Variants in AHCYL2 observed in about 807,000 individuals in gnomAD.
AHCYL2 encodes S-adenosylhomocysteine hydrolase-like protein 2.
Under a neutral mutation model 81.4 loss-of-function variants are expected in AHCYL2, and 28 were observed. That is an observed-to-expected ratio of 0.34 (90% CI 0.25 to 0.47). The LOEUF (loss-of-function observed/expected upper bound fraction) is 0.47. Ranked by LOEUF, AHCYL2 falls within the 20% of genes least tolerant of loss-of-function variation. The pLI is 1.00. For synonymous variants in AHCYL2, 272 were observed against 290.2 expected, an observed-to-expected ratio of 0.94 and a Z score of 0.64; for missense variants, 551 against 785.1, an observed-to-expected ratio of 0.70 and a Z score of 3.56.
intron 2 of AHCYL2, among the ~76,000 whole-genome samples, chr7:129,382,591 CT>C (rs200040443): frequency 2.0e-5 from 3 of 150,202 alleles, no homozygotes; most frequent in Non-Finnish European, 4.4e-5. Context: ...TAGAGTGAGA[CT>C]TTTTTTTATT....
intron 1 of AHCYL2, among the ~76,000 whole-genome samples, chr7:129,300,283 C>G (rs955624739): frequency 1.3e-5 from 2 of 152,246 alleles, no homozygotes; most frequent in African/African-American, 4.8e-5. Context: ...CGCCTCCCCC[C>G]CAGCCTCCTC....
At chr7:129,386,166 TA>T (rs1795192151) in intron 2 of AHCYL2, among the ~76,000 whole-genome samples, 1 of 152,056 alleles carries the variant, frequency 6.6e-6, no homozygotes, top group African/African-American at 2.4e-5. Context: ...CAGGTCCGTA[TA>T]AAGGGCTCTT....
chr7:129,258,403 A>G (rs770521467), intron 1 of AHCYL2, among the ~76,000 whole-genome samples: 44 of 152,270 alleles, frequency 2.9e-4, no homozygotes, highest in Middle Eastern at 3.4e-3. Flanking sequence ...TTAGAAGATA[A>G]TACTTAGTGA....
At position 129,427,376 on chromosome 7, in the gene AHCYL2, C is replaced by T. The variant is rs887042884; in HGVS notation, c.*331C>T. 7 of 221,802 alleles carry T rather than the reference C, an allele frequency of 3.2e-5. No homozygotes were observed. Among genetic ancestry groups the T allele is most frequent in the Non-Finnish European group, 6.2e-5 (7 of 113,462 alleles). 13.7% of individuals were successfully genotyped at this position (221,802 alleles called of 1,614,324 possible). A position where few individuals can be genotyped will look rare whatever the true frequency, so the allele number is the denominator to read the frequency against. On this transcript the variant is annotated 3_prime_UTR_variant, in exon 17 of 17. Transcript: ENST00000325006. This position sits in a 1 kb window ranked among gnomAD's most constrained non-coding sequence, Gnocchi z 5.5. ...CCGTTTTTCCTCTTGTCCAGGCTCA[C>T]GAGTTAGTCCAGGGATTCCATACTC...
chr7:129,345,495 T>C (rs1220690392), intron 1 of AHCYL2, among the ~76,000 whole-genome samples: 1 of 152,164 alleles, frequency 6.6e-6, no homozygotes, highest in East Asian at 1.9e-4. Context: ...ATGTAACTGC[T>C]TGGGCCCAAA....
chr7:129,259,937 A>G (rs1296579450), intron 1 of AHCYL2, among the ~76,000 whole-genome samples: 1 of 152,092 alleles, frequency 6.6e-6, no homozygotes. Flanking sequence ...CTAGCTGGGC[A>G]TGGTGGCATG....
intron 9 of AHCYL2, 92 bp downstream of exon 9, chr7:129,405,991 C>G: frequency 1.7e-6 from 2 of 1,163,710 alleles, no homozygotes; most frequent in East Asian, 2.4e-5. Context: ...ATGAGTACAC[C>G]CTTTACCACT....
At chr7:129,299,191 G>T (rs1797159165) in intron 1 of AHCYL2, among the ~76,000 whole-genome samples, 1 of 150,424 alleles carries the variant, frequency 6.6e-6, no homozygotes, top group Non-Finnish European at 1.5e-5. Flanking sequence ...ATGGGGCATG[G>T]TAGTCCATGT....
chr7:129,403,860 CAAAAAAAAAAAAAAAA>C (rs34806455), intron 7 of AHCYL2, among the ~76,000 whole-genome samples: 2 of 80,200 alleles, frequency 2.5e-5, no homozygotes, highest in Admixed American at 1.5e-4. Context: ...GACTCCATCT[CAAAAAAAAAAAAAAAA>C]AAAAAAAAAA....
chr7:129,314,019 A>G (rs562314698), intron 1 of AHCYL2, among the ~76,000 whole-genome samples: 1 of 152,348 alleles, frequency 6.6e-6, no homozygotes, highest in East Asian at 1.9e-4. Context: ...GTCGAGATCA[A>G]GTATCTGGTT....
In AHCYL2 at chr7:129,368,921, G is replaced by C. The variant is rs1270594792; in HGVS notation, c.364-10717G>C. On this transcript the variant is annotated intron_variant, in intron 1 of 16. Transcript: ENST00000325006. The surrounding 1 kb of genome is among the most constrained non-coding windows in gnomAD (Gnocchi z 4.4). ...TGGGGGTAAAGAAAAAGAACAATGA[G>C]GAGAAAAAACAAAAACAGAACTTAC... is the stretch of plus-strand genomic sequence containing the variant. 1.3e-5 allele frequency among the ~76,000 whole-genome samples: 2 copies of C among 152,092 alleles called. No homozygotes were observed. The highest frequency in any genetic ancestry group is 1.5e-5 in the Non-Finnish European group (1 of 68,030).
At chr7:129,283,233 C>CTTGG (rs1201986702) in intron 1 of AHCYL2, 1 of 391,146 alleles carries the variant, frequency 2.6e-6, no homozygotes, top group East Asian at 7.1e-5. Context: ...CTGGGCTCTA[C>CTTGG]TTGGGTTCCT....
At chr7:129,360,450 A>C (rs532424062) in intron 1 of AHCYL2, among the ~76,000 whole-genome samples, 1 of 152,332 alleles carries the variant, frequency 6.6e-6, no homozygotes, top group Admixed American at 6.5e-5. Context: ...TCTAGCACAT[A>C]TTCATGGGTT....
intron 1 of AHCYL2, among the ~76,000 whole-genome samples, chr7:129,282,780 A>G (rs902592054): frequency 2.0e-5 from 3 of 147,640 alleles, no homozygotes; most frequent in Non-Finnish European, 4.5e-5. Context: ...TTTTTTTTTT[A>G]TTTGTTCTGT....
chr7:129,230,396 A>G (rs1794387742), intron 1 of AHCYL2, among the ~76,000 whole-genome samples: 1 of 151,098 alleles, frequency 6.6e-6, no homozygotes, highest in Non-Finnish European at 1.5e-5. Context: ...AATTCTTTTA[A>G]GAGGCCTCGA....
At chr7:129,407,728 TA>T (rs1342459180) in intron 10 of AHCYL2, among the ~76,000 whole-genome samples, 1 of 152,208 alleles carries the variant, frequency 6.6e-6, no homozygotes, top group Non-Finnish European at 1.5e-5. Context: ...GATGAATATA[TA>T]AATGAGATAA....
Position 129,406,553 on chromosome 7 carries a change from A to ATCTGG in AHCYL2, c.1295+87_1295+88insTCTGG. The ATCTGG allele has an allele frequency of 6.2e-6, 8 of 1,290,500 alleles. No individual in the cohort carries two copies. The highest frequency in any genetic ancestry group is 7.9e-6 in the Non-Finnish European group (7 of 888,288). 79.9% of individuals were successfully genotyped at this position (1,290,500 alleles called of 1,614,324 possible). On this transcript the variant is annotated intron_variant, in intron 10 of 16. Coordinates refer to ENST00000325006, the MANE Select transcript of AHCYL2 (RefSeq NM_015328.4). The surrounding 1 kb of genome is among the most constrained non-coding windows in gnomAD (Gnocchi z 4.3). ...TTGATGCCACACTTTATTTTAGAGG[A>ATCTGG]GCCCAGATCCTCAGAGATGCTGCCA...
chr7:129,413,458 A>T, intron 11 of AHCYL2, 136 bp from the exon 12 acceptor site: 1 of 742,304 alleles, frequency 1.3e-6, no homozygotes, highest in Admixed American at 2.5e-5. Context: ...CTTATTTTTA[A>T]GTTGTCTTCT....
Position 129,242,440 on chromosome 7 carries a change from G to A in AHCYL2, c.363+17001G>A, listed in dbSNP as rs1483825259. ...AGAAGCAAAATTGCTTATGGTGGCC[G>A]GGTGCAGTGGCTCACGCCTATAATC... On this transcript the variant is annotated intron_variant, in intron 1 of 16. Coordinates refer to ENST00000325006, the MANE Select transcript of AHCYL2 (RefSeq NM_015328.4). 2.0e-5 allele frequency among the ~76,000 whole-genome samples: 3 copies of A among 152,000 alleles called. No homozygotes were observed. The South Asian group carries it at 6.2e-4, about 32-fold the overall frequency.
Sources: gnomAD v4.1 joint callset for allele counts (sites outside exome capture counted in the v4.1 genomes callset) on GRCh38, gnomAD v4.1.1 for gene constraint, Gnocchi (gnomAD v3.1) non-coding constraint, MANE v1.5 for transcripts, NCBI Gene and HGNC (gene_info 2026-07-23, HGNC 2026-07-21) for gene names.